CMIP: variants seen among roughly 807,000 people sequenced by gnomAD.
CMIP encodes C-Maf-inducing protein.
Under a neutral mutation model 97.3 loss-of-function variants are expected in CMIP, and 13 were observed. The observed-to-expected ratio is 0.13, with a 90% CI of 0.09 to 0.21. The LOEUF (loss-of-function observed/expected upper bound fraction) is 0.21, where lower values mean the gene tolerates loss of function less well. CMIP is among the 10% of genes least tolerant of loss of function. The pLI is 1.00. For missense variants in CMIP, 847 were observed against 1,024.9 expected, an observed-to-expected ratio of 0.83 and a Z score of 2.37; for synonymous variants, 538 against 436.3, an observed-to-expected ratio of 1.23 and a Z score of -2.91.
At chr16:81,567,652 C>T (rs1217954239) in intron 1 of CMIP, among the ~76,000 whole-genome samples, 1 of 152,196 alleles carries the variant, frequency 6.6e-6, no homozygotes, top group African/African-American at 2.4e-5. Context: ...GTCCCTTTCC[C>T]TCTCACAGTA....
rs372733799 is a variant in CMIP at position 81,607,729 on chromosome 16, C to T, written c.426+37C>T. The T allele has an allele frequency of 1.2e-4, 189 of 1,605,192 alleles. 2 individuals carry two copies. The East Asian group carries it at 1.4e-3, about 12-fold the overall frequency. On this transcript the variant is annotated intron_variant, in intron 2 of 20. Coordinates refer to ENST00000537098, the MANE Select transcript of CMIP (RefSeq NM_198390.3). Reference sequence around the variant, plus strand: ...AAACATGAACAAGCAGTTTCTTCTCCCTCATCTTCATGCACTTGTGCCCCT... The same window carrying T: ...AAACATGAACAAGCAGTTTCTTCTCTCTCATCTTCATGCACTTGTGCCCCT...
chr16:81,647,694 G>A lies in CMIP; in HGVS notation c.478-4509G>A, dbSNP rs1195738700. Among the ~76,000 whole-genome samples the A allele has an allele frequency of 2.6e-5, 4 of 152,054 alleles. No homozygotes were observed. The East Asian group carries it at 7.7e-4, about 29-fold the overall frequency. ...AGCCTGGAGCAGGGATTCCGGAGGC[G>A]TCCCTATCCCAGCTCCACCATGATT... On this transcript the variant is annotated intron_variant, in intron 3 of 20. Transcript: ENST00000537098.
chr16:81,662,145 T>TA (rs1342640793), intron 6 of CMIP, among the ~76,000 whole-genome samples: 1 of 152,042 alleles, frequency 6.6e-6, no homozygotes, highest in Non-Finnish European at 1.5e-5. Context: ...AACGGCCAGC[T>TA]GCTCCTCTGC....
intron 1 of CMIP, chr16:81,533,864 A>G (rs577535472): frequency 1.8e-4 from 28 of 152,430 alleles, no homozygotes; most frequent in African/African-American, 6.3e-4. Context: ...GCCGCAGGGA[A>G]CACTAGTCAG....
intron 1 of CMIP, among the ~76,000 whole-genome samples, chr16:81,465,254 T>G (rs150225397): frequency 0.018 from 2,704 of 152,330 alleles, 92 homozygotes; most frequent in African/African-American, 0.062. Context: ...TGTGCCGTTT[T>G]TTCCATCCAT....
chr16:81,505,680 G>T (rs549258745), intron 1 of CMIP, among the ~76,000 whole-genome samples: 1 of 152,348 alleles, frequency 6.6e-6, no homozygotes, highest in African/African-American at 2.4e-5. Context: ...TCTCCTCAGT[G>T]AAAGAGTGGC....
chr16:81,487,404 G>A (rs1597468561), intron 1 of CMIP, among the ~76,000 whole-genome samples: 1 of 152,208 alleles, frequency 6.6e-6, no homozygotes, highest in South Asian at 2.1e-4. Flanking sequence ...CCACTCCCGA[G>A]GCCCCAGACC....
chr16:81,693,543 G>A (rs956084612), intron 13 of CMIP, 56 bp downstream of exon 13: 96 of 1,570,134 alleles, frequency 6.1e-5, no homozygotes, highest in African/African-American at 1.2e-4. Context: ...CAGGATGCAC[G>A]AGGGCCCCTT....
At chr16:81,649,147 G>C (rs531329634) in intron 3 of CMIP, among the ~76,000 whole-genome samples, 4 of 152,348 alleles carry the variant, frequency 2.6e-5, no homozygotes, top group Admixed American at 6.5e-5. Flanking sequence ...AAGCTCATAA[G>C]AGCTAGCACT....
intron 19 of CMIP, 25 bp downstream of exon 19, chr16:81,705,629 G>T (rs749994204): frequency 1.3e-5 from 20 of 1,487,552 alleles, no homozygotes; most frequent in Non-Finnish European, 1.7e-5. Flanking sequence ...GGCAGCTGGG[G>T]GGTGAGGGGC....
At chr16:81,696,435 A>C in intron 13 of CMIP, 125 bp from the exon 14 acceptor site, 4 of 932,710 alleles carry the variant, frequency 4.3e-6, no homozygotes, top group Non-Finnish European at 6.6e-6. Flanking sequence ...GGAGGAAACA[A>C]AGTTAAGCGG....
At chr16:81,624,607 A>T (rs1256114075) in intron 3 of CMIP, among the ~76,000 whole-genome samples, 1 of 152,118 alleles carries the variant, frequency 6.6e-6, no homozygotes, top group African/African-American at 2.4e-5. Flanking sequence ...CCCTAATGGG[A>T]CCAAAATTGG....
chr16:81,699,308 A>G (rs1907115281), intron 14 of CMIP, among the ~76,000 whole-genome samples: 1 of 152,250 alleles, frequency 6.6e-6, no homozygotes, highest in African/African-American at 2.4e-5. Context: ...GAGACCTTAA[A>G]TTGCATTCTA....
chr16:81,471,682 A>G (rs1200692296), intron 1 of CMIP, among the ~76,000 whole-genome samples: 3 of 152,230 alleles, frequency 2.0e-5, no homozygotes, highest in South Asian at 2.1e-4. Context: ...TGAACCCTAC[A>G]TAGACTCTGT....
At chr16:81,549,907 G>A (rs1188807632) in intron 1 of CMIP, among the ~76,000 whole-genome samples, 3 of 152,216 alleles carry the variant, frequency 2.0e-5, no homozygotes, top group Non-Finnish European at 4.4e-5. Context: ...TGTGTGCAGT[G>A]TGCTGTGTGT....
chr16:81,465,226 G>C (rs940291696), intron 1 of CMIP, among the ~76,000 whole-genome samples: 1 of 152,176 alleles, frequency 6.6e-6, no homozygotes, highest in Non-Finnish European at 1.5e-5. Flanking sequence ...TAACATTTTT[G>C]TAGGGTGTTC....
chr16:81,642,190 T>C (rs2092314270), intron 3 of CMIP, among the ~76,000 whole-genome samples: 1 of 152,342 alleles, frequency 6.6e-6, no homozygotes, highest in Admixed American at 6.5e-5. Flanking sequence ...CCTTGATATG[T>C]AGTAGCCATT....
At chr16:81,535,361 C>T (rs1004521950) in intron 1 of CMIP, among the ~76,000 whole-genome samples, 4 of 152,070 alleles carry the variant, frequency 2.6e-5, no homozygotes, top group African/African-American at 7.2e-5. Flanking sequence ...GAGAATCTCA[C>T]ATGCATAAAA....
intron 9 of CMIP, among the ~76,000 whole-genome samples, chr16:81,677,400 GT>G (rs1380737939): frequency 6.6e-6 from 1 of 152,178 alleles, no homozygotes; most frequent in African/African-American, 2.4e-5. Flanking sequence ...TCAGTGATGT[GT>G]TTGAGCATCT....
Sources: gnomAD v4.1 joint callset for allele counts (sites outside exome capture counted in the v4.1 genomes callset) on GRCh38, gnomAD v4.1.1 for gene constraint, MANE v1.5 for transcripts, NCBI Gene and HGNC (gene_info 2026-07-23, HGNC 2026-07-21) for gene names.